Variants in ADGRV1 observed in about 807,000 individuals in gnomAD.
ADGRV1 encodes adhesion G protein-coupled receptor V1, also known as G-protein coupled receptor 98.
In ADGRV1, 359 loss-of-function variants were observed where a neutral mutation model predicts 596.2. The ratio of observed to expected loss-of-function variants is 0.60; its 90% CI spans 0.55 to 0.66. The LOEUF (loss-of-function observed/expected upper bound fraction) is 0.66, where lower values mean the gene tolerates loss of function less well. Among genes scored for constraint, ADGRV1 ranks in the 30% least tolerant of loss-of-function variants. The pLI, the probability that ADGRV1 is intolerant of heterozygous loss-of-function variation, is 0.00. For synonymous variants in ADGRV1, 2,681 were observed against 2,679.2 expected (o/e 1.00, Z -0.02); for missense variants, 7,274 against 7,575.6 (o/e 0.96, Z 1.48).
At chr5:90,657,690 C>T (rs1454423214) in intron 20 of ADGRV1, among the ~76,000 whole-genome samples, 2 of 152,044 alleles carry the variant, frequency 1.3e-5, no homozygotes, top group Non-Finnish European at 2.9e-5. Flanking sequence ...GTTACCAATT[C>T]TTTTAGTACA....
chr5:90,954,699 G>A (rs375205100), intron 83 of ADGRV1, among the ~76,000 whole-genome samples: 2 of 152,094 alleles, frequency 1.3e-5, no homozygotes, highest in South Asian at 4.1e-4. Context: ...GTTGAGTTTA[G>A]TCATGATTTT....
chr5:91,163,699 G>T, intron 89 of ADGRV1, 83 bp from the exon 90 acceptor site: 4 of 612,048 alleles, frequency 6.5e-6, no homozygotes, highest in African/African-American at 1.8e-5. Flanking sequence ...AAATAAACAG[G>T]CTTGGACCTA....
At chr5:90,784,590 A>G (rs1050685481) in intron 67 of ADGRV1, among the ~76,000 whole-genome samples, 3 of 152,152 alleles carry the variant, frequency 2.0e-5, no homozygotes, top group African/African-American at 7.2e-5. Flanking sequence ...GGGCAGAAGG[A>G]ACAATAGCTT....
At position 90,676,307 on chromosome 5, in the gene ADGRV1, T is replaced by C. The variant is rs1744214091; in HGVS notation, c.5443+98T>C. 2.7e-6 allele frequency: 3 copies of C among 1,098,884 alleles called. No homozygotes were observed. The Admixed American group carries it at 9.2e-5, about 34-fold the overall frequency. The allele number at this position is 1,098,884 out of a possible 1,614,324, so 68.1% of individuals were successfully genotyped here. A position where few individuals can be genotyped will look rare whatever the true frequency, so the allele number is the denominator to read the frequency against. On this transcript the variant is annotated intron_variant, in intron 25 of 89. Coordinates refer to ENST00000405460, the MANE Select transcript of ADGRV1 (RefSeq NM_032119.4). ...GAAGTAAGTTCCTTTGAATTAATCT[T>C]ACTTAAATAAATGAATAAATTATTA...
intron 87 of ADGRV1, among the ~76,000 whole-genome samples, chr5:91,127,540 CAAAAAA>C (rs11406300): frequency 8.0e-6 from 1 of 125,602 alleles, no homozygotes; most frequent in African/African-American, 3.1e-5. Flanking sequence ...CCAGTCTCAC[CAAAAAA>C]AAAAAAAAAA....
rs764629101 is a variant in ADGRV1 at position 90,778,624 on chromosome 5, G to A, written c.12849+15G>A. ...AAGCACAGAGGGTATAGTATGAAAT[G>A]CTTAAGATTTTAATATCATTTTTAT... On this transcript the variant is annotated intron_variant, in intron 63 of 89. Coordinates refer to ENST00000405460, the MANE Select transcript of ADGRV1 (RefSeq NM_032119.4). 48 of 1,508,268 alleles carry A rather than the reference G, an allele frequency of 3.2e-5. No homozygotes were observed. Among genetic ancestry groups the A allele is most frequent in the Non-Finnish European group, 4.3e-5 (48 of 1,128,974 alleles). 93.4% of individuals were successfully genotyped at this position (1,508,268 alleles called of 1,614,324 possible).
chr5:91,096,757 ACTT>A (rs1461724532), intron 86 of ADGRV1, among the ~76,000 whole-genome samples: 5 of 152,184 alleles, frequency 3.3e-5, no homozygotes, highest in African/African-American at 1.2e-4. Flanking sequence ...TTAAGTGTAC[ACTT>A]CAGTGTCACA....
chr5:90,701,498 A>G (rs1747901305), intron 34 of ADGRV1, among the ~76,000 whole-genome samples: 1 of 151,950 alleles, frequency 6.6e-6, no homozygotes, highest in African/African-American at 2.4e-5. Context: ...TGTTGACATG[A>G]TACATTTTCA....
chr5:91,010,799 A>C (rs1009012666), intron 85 of ADGRV1, among the ~76,000 whole-genome samples: 2 of 150,942 alleles, frequency 1.3e-5, no homozygotes, highest in Non-Finnish European at 3.0e-5. Context: ...AATTTATTTA[A>C]TAATTATTAG....
intron 78 of ADGRV1, among the ~76,000 whole-genome samples, chr5:90,845,522 C>T (rs898265549): frequency 6.6e-6 from 1 of 151,976 alleles, no homozygotes; most frequent in Non-Finnish European, 1.5e-5. Flanking sequence ...TCTGACATTT[C>T]ATTTTTAGAA....
At position 90,810,763 on chromosome 5, in the gene ADGRV1, C is replaced by G; in HGVS notation, c.15503C>G (p.Thr5168Ser). ...TACCTCAGCACAAGCAAGACGACTA[C>G]CATTCTGCAGCCAACCAACGTGGTT... The part of the protein sequence containing the change: ...TTYLSTSKTT[T>S]ILQPTNVVAI... The change falls in exon 74 of 90, where the codon ACC (threonine) becomes AGC (serine). Residue 5168 changes from threonine (T) to serine (S), a missense_variant. This residue lies in a region of ADGRV1 where 1,874 missense variants were observed against 1,970.2 expected (regional missense o/e 0.95). Coordinates refer to ENST00000405460, the MANE Select transcript of ADGRV1 (RefSeq NM_032119.4). 1 of 1,613,942 alleles carries G rather than the reference C, an allele frequency of 6.2e-7. No individual in the cohort carries two copies. Among genetic ancestry groups the G allele is most frequent in the Non-Finnish European group, 8.5e-7 (1 of 1,179,874 alleles).
chr5:90,793,795 G>A (rs2443070), intron 70 of ADGRV1, among the ~76,000 whole-genome samples: 4,004 of 152,168 alleles, frequency 0.026, 165 homozygotes, highest in African/African-American at 0.091. Flanking sequence ...AGTGACAAAA[G>A]TTTACTAGTT....
At chr5:91,141,334 A>G (rs546022425) in intron 87 of ADGRV1, among the ~76,000 whole-genome samples, 4 of 152,350 alleles carry the variant, frequency 2.6e-5, no homozygotes, top group East Asian at 1.9e-4. Context: ...TGACAAACCC[A>G]TGGTGAATAC....
At chr5:90,833,893 C>T (rs886776311) in intron 77 of ADGRV1, among the ~76,000 whole-genome samples, 1 of 152,008 alleles carries the variant, frequency 6.6e-6, no homozygotes, top group Non-Finnish European at 1.5e-5. Context: ...ATATCATTCT[C>T]TTGTCTGATT....
chr5:90,748,423 C>G (rs1035162384), intron 52 of ADGRV1, among the ~76,000 whole-genome samples: 5 of 152,014 alleles, frequency 3.3e-5, no homozygotes, highest in African/African-American at 1.2e-4. Flanking sequence ...TTTCAACATA[C>G]AATCAACATA....
At chr5:91,097,465 T>C (rs1344009907) in intron 86 of ADGRV1, among the ~76,000 whole-genome samples, 2 of 152,260 alleles carry the variant, frequency 1.3e-5, no homozygotes, top group Non-Finnish European at 2.9e-5. Context: ...ATTTTATTTA[T>C]CTATTCATCT....
intron 70 of ADGRV1, among the ~76,000 whole-genome samples, chr5:90,801,138 C>T (rs1047310288): frequency 1.3e-5 from 2 of 152,120 alleles, no homozygotes; most frequent in Non-Finnish European, 2.9e-5. Flanking sequence ...TCTTGGATTA[C>T]GGAAATGGAA....
intron 87 of ADGRV1, among the ~76,000 whole-genome samples, chr5:91,140,481 G>A (rs1795003877): frequency 6.6e-6 from 1 of 151,990 alleles, no homozygotes; most frequent in African/African-American, 2.4e-5. Flanking sequence ...AGCACAATTT[G>A]GTATTTTTGT....
At chr5:90,708,774 G>A in intron 38 of ADGRV1, 42 bp from the exon 39 acceptor site, 1 of 1,246,068 alleles carries the variant, frequency 8.0e-7, no homozygotes, top group South Asian at 1.2e-5. Context: ...TAATTACTTT[G>A]AGAGTATAAC....
Sources: allele counts gnomAD v4.1 joint callset (sites outside exome capture counted in the v4.1 genomes callset), GRCh38; gene constraint gnomAD v4.1.1; regional missense constraint gnomAD v4.1.1; transcripts MANE v1.5; gene names NCBI Gene and HGNC (gene_info 2026-07-23, HGNC 2026-07-21).